The following DHTKD1 variants were observed in gnomAD, a reference collection of about 807,000 sequenced individuals.
The protein encoded by DHTKD1 is dehydrogenase E1 and transketolase domain containing 1, also known as 2-oxoadipate dehydrogenase complex component E1.
Under a neutral mutation model 101.8 loss-of-function variants are expected in DHTKD1, and 78 were observed. The observed-to-expected ratio is 0.77, with a 90% CI of 0.64 to 0.93. The LOEUF is 0.93. Ranked by LOEUF, DHTKD1 falls within the 40% of genes least tolerant of loss-of-function variation. The pLI, the probability that DHTKD1 is intolerant of heterozygous loss-of-function variation, is 0.00. For missense variants in DHTKD1, 1,223 were observed against 1,161.7 expected, an observed-to-expected ratio of 1.05 and a Z score of -0.77; for synonymous variants, 462 against 450.3, an observed-to-expected ratio of 1.03 and a Z score of -0.33.
chr10:12,093,924 C>G (rs1833029492), intron 6 of DHTKD1, 149 bp from the exon 7 acceptor site: 1 of 680,952 alleles, frequency 1.5e-6, no homozygotes, highest in African/African-American at 1.8e-5. Context: ...TGGAACTTGC[C>G]AGCTGGTCTC....
Position 12,101,599 on chromosome 10 carries a change from G to A in DHTKD1, c.1896+418G>A, listed in dbSNP as rs889200968. On this transcript the variant is annotated intron_variant, in intron 10 of 16. Transcript: ENST00000263035. ...TGGCTTGACGAATGTACACATAACC[G>A]TGTATTTCTTTCTTTTTTTTCGGAG... Among the ~76,000 whole-genome samples the A allele has an allele frequency of 5.9e-5, 9 of 152,044 alleles. 1 individual carries two copies. The highest frequency in any genetic ancestry group is 5.3e-4 in the Admixed American group (8 of 15,234).
intron 10 of DHTKD1, among the ~76,000 whole-genome samples, chr10:12,104,057 T>G (rs1428083352): frequency 6.6e-6 from 1 of 152,202 alleles, no homozygotes; most frequent in Non-Finnish European, 1.5e-5. Flanking sequence ...TTGTTTCTAT[T>G]GATCTGCCTA....
In DHTKD1 at chr10:12,107,874, G is replaced by T; in HGVS notation, c.2048-35G>T. The T allele has an allele frequency of 6.9e-7, 1 of 1,448,938 alleles. No individual in the cohort carries two copies. The highest frequency in any genetic ancestry group is 1.4e-5 in the African/African-American group (1 of 71,796). 89.8% of individuals were successfully genotyped at this position (1,448,938 alleles called of 1,614,324 possible). A position where few individuals can be genotyped will look rare whatever the true frequency, so the allele number is the denominator to read the frequency against. ...TGTCAGGCCACTTTGTCCCCGCTTC[G>T]TAGAGCTCTTACTCCCCACGTGGTA... On this transcript the variant is annotated intron_variant, in intron 11 of 16. Transcript: ENST00000263035. The surrounding 1 kb of genome is among the most constrained non-coding windows in gnomAD (Gnocchi z 4.1).
intron 1 of DHTKD1, among the ~76,000 whole-genome samples, chr10:12,081,102 C>T (rs182685411): frequency 6.6e-6 from 1 of 151,872 alleles, no homozygotes; most frequent in Non-Finnish European, 1.5e-5. Flanking sequence ...AGATTGAGGC[C>T]ATCCTGCCTA....
At chr10:12,085,064 G>A (rs1832877573) in intron 3 of DHTKD1, among the ~76,000 whole-genome samples, 1 of 151,630 alleles carries the variant, frequency 6.6e-6, no homozygotes, top group Non-Finnish European at 1.5e-5. Context: ...AAAAAAAGGA[G>A]CATTTAATAG....
chr10:12,089,158 C>T lies in DHTKD1; in HGVS notation c.890C>T (p.Ala297Val), dbSNP rs1832949989. ...CACCTGGAGGCCGTCAACCCCGTGG[C>T]CGTGGGCAAAACTCGCGGCAGGCAG... ...PSHLEAVNPV[A>V]VGKTRGRQQS... The change falls in exon 5 of 17, where the codon GCC (alanine) becomes GTC (valine). Residue 297 changes from alanine to valine, a missense_variant. Ala to Val is a moderately conservative substitution (Grantham distance 64). Coordinates refer to ENST00000263035, the MANE Select transcript of DHTKD1 (RefSeq NM_018706.7). The T allele has an allele frequency of 1.9e-6, 3 of 1,614,172 alleles. No individual in the cohort carries two copies. Among genetic ancestry groups the T allele is most frequent in the Non-Finnish European group, 2.5e-6 (3 of 1,180,032 alleles).
chr10:12,118,966 C>A, intron 15 of DHTKD1, 48 bp downstream of exon 15: 1 of 1,431,908 alleles, frequency 7.0e-7, no homozygotes, highest in South Asian at 1.5e-5. Flanking sequence ...TACCCAAAAC[C>A]CATTTCAGCT....
rs537752094 is a variant in DHTKD1, at chr10:12,112,456, A to G, written c.2155-444A>G. On this transcript the variant is annotated intron_variant, in intron 12 of 16. Coordinates refer to ENST00000263035, the MANE Select transcript of DHTKD1 (RefSeq NM_018706.7). Reference sequence around the variant, plus strand: ...TAACTTCCTTGCCCTCAATTTTTCAACCTTTCTATTAGCTGCTTTTGATTT... The same window carrying G: ...TAACTTCCTTGCCCTCAATTTTTCAGCCTTTCTATTAGCTGCTTTTGATTT... Among the ~76,000 whole-genome samples, 5 of 151,570 alleles carry G rather than the reference A, an allele frequency of 3.3e-5. No individual in the cohort carries two copies. In the East Asian group the frequency reaches 9.7e-4, roughly 29 times the overall value.
chr10:12,114,296 T>G (rs1833380451), intron 13 of DHTKD1, among the ~76,000 whole-genome samples: 1 of 151,962 alleles, frequency 6.6e-6, no homozygotes, highest in Non-Finnish European at 1.5e-5. Flanking sequence ...GAATTAGTAT[T>G]AAATTTTTTT....
chr10:12,117,698 T>C lies in DHTKD1; in HGVS notation c.2345T>C (p.Met782Thr). 1.9e-6 allele frequency: 3 copies of C among 1,607,838 alleles called. No individual in the cohort carries two copies. The highest frequency in any genetic ancestry group is 1.7e-6 in the Non-Finnish European group (2 of 1,176,384). ...LPAAVSTLQE[M>T]APGTTFNPVI... is the part of the protein sequence containing the mutation. ...GCAGCCGTGTCAACTCTTCAAGAAATGGCACCAGGAACAACATTTAACCCG... is the reference window on the plus strand; with the variant it reads ...GCAGCCGTGTCAACTCTTCAAGAAACGGCACCAGGAACAACATTTAACCCG... The change falls in exon 14 of 17, where the codon ATG becomes ACG. Residue 782 changes from methionine to threonine, a missense_variant. Transcript: ENST00000263035.
chr10:12,073,679 A>C (rs1427769265), intron 1 of DHTKD1, among the ~76,000 whole-genome samples: 1 of 152,156 alleles, frequency 6.6e-6, no homozygotes, highest in Non-Finnish European at 1.5e-5. Context: ...AAATCTGGAA[A>C]AGCTCAGTCT....
At position 12,087,708 on chromosome 10, in the gene DHTKD1, C is replaced by A. The variant is rs763776108; in HGVS notation, c.696C>A (p.Gly232=). 1.9e-6 allele frequency: 3 copies of A among 1,605,700 alleles called. No individual in the cohort carries two copies. The highest frequency in any genetic ancestry group is 1.1e-5 in the South Asian group (1 of 89,776). Residue 232 remains glycine (G), a synonymous_variant, in exon 4 of 17, where the codon GGC becomes GGA. Transcript: ENST00000263035. The surrounding 1 kb of genome is among the most constrained non-coding windows in gnomAD (Gnocchi z 5.2). Reference sequence around the variant, plus strand: ...GAGGGAGGCTGAATTTATTGACAGGCCTTCTGCAGTTCCCTCCAGAGGTAA... The same window carrying A: ...GAGGGAGGCTGAATTTATTGACAGGACTTCTGCAGTTCCCTCCAGAGGTAA... ...PHRGRLNLLT[G]LLQFPPELMF...
At chr10:12,091,792 TTTAA>T (rs370456596) in intron 6 of DHTKD1, 108 bp downstream of exon 6, 200 of 782,190 alleles carry the variant, frequency 2.6e-4, no homozygotes, top group African/African-American at 2.5e-3. Context: ...CCTCCTTTCA[TTTAA>T]TTAATTAATT....
At chr10:12,114,226 A>G (rs1055861783) in intron 13 of DHTKD1, among the ~76,000 whole-genome samples, 1 of 152,130 alleles carries the variant, frequency 6.6e-6, no homozygotes, top group African/African-American at 2.4e-5. Flanking sequence ...AATAAATACT[A>G]CTAAGCATAT....
intron 7 of DHTKD1, among the ~76,000 whole-genome samples, chr10:12,096,609 C>CA (rs1324490132): frequency 6.6e-6 from 1 of 152,190 alleles, no homozygotes; most frequent in Non-Finnish European, 1.5e-5. Context: ...CTCGGCCTCC[C>CA]AAAGTTCTGG....
rs1216093119 is a variant in DHTKD1, at chr10:12,121,464, AAAG to A, written c.*579_*581del. Reference sequence around the variant, plus strand: ...CAACAAAAGAAAAACAATAACAAAAAAAGAAAGTGTGATGGCTGGGTGCAGTGG... The same window carrying A: ...CAACAAAAGAAAAACAATAACAAAAAAAAGTGTGATGGCTGGGTGCAGTGG... On this transcript the variant is annotated 3_prime_UTR_variant, in exon 17 of 17. Coordinates refer to ENST00000263035, the MANE Select transcript of DHTKD1 (RefSeq NM_018706.7). 2.0e-5 allele frequency: 3 copies of A among 152,924 alleles called. No individual in the cohort carries two copies. The highest frequency in any genetic ancestry group is 4.4e-5 in the Non-Finnish European group (3 of 68,596). 9.5% of individuals were successfully genotyped at this position (152,924 alleles called of 1,614,324 possible). A position where few individuals can be genotyped will look rare whatever the true frequency, so the allele number is the denominator to read the frequency against.
chr10:12,118,587 T>A (rs554322365), intron 14 of DHTKD1, among the ~76,000 whole-genome samples, 162 bp from the exon 15 acceptor site: 10 of 152,024 alleles, frequency 6.6e-5, no homozygotes, highest in Admixed American at 1.3e-4. Context: ...TTTCACCGTG[T>A]TAGCCAGGAT....
At position 12,121,875 on chromosome 10, in the gene DHTKD1, G is replaced by GA. The variant is rs1564401443; in HGVS notation, c.*990dup. The GA allele has an allele frequency of 6.6e-6, 1 of 152,162 alleles. No individual in the cohort carries two copies. Among genetic ancestry groups the GA allele is most frequent in the Non-Finnish European group, 1.5e-5 (1 of 68,030 alleles). 9.4% of individuals were successfully genotyped at this position (152,162 alleles called of 1,614,324 possible). ...ACCCTAATTGACCATATATGACCAG[G>GA]AAACACTTCTGAGTTTACAGCTCCG... On this transcript the variant is annotated 3_prime_UTR_variant, in exon 17 of 17. Transcript: ENST00000263035.
intron 1 of DHTKD1, among the ~76,000 whole-genome samples, chr10:12,070,914 C>G (rs1034939879): frequency 6.6e-6 from 1 of 152,314 alleles, no homozygotes; most frequent in Non-Finnish European, 1.5e-5. Flanking sequence ...AATGAACATA[C>G]GCTCCTGAGC....
Sources: gnomAD v4.1 joint callset for allele counts (sites outside exome capture counted in the v4.1 genomes callset) on GRCh38, gnomAD v4.1.1 for gene constraint, Gnocchi (gnomAD v3.1) non-coding constraint, MANE v1.5 for transcripts, NCBI Gene and HGNC (gene_info 2026-07-23, HGNC 2026-07-21) for gene names.